The following SLC25A29 variants were observed in gnomAD, a reference collection of about 807,000 sequenced individuals.
The protein encoded by SLC25A29 is solute carrier family 25 member 29, also known as mitochondrial basic amino acids transporter.
Under a neutral mutation model 10.0 loss-of-function variants are expected in SLC25A29, and 13 were observed. The ratio of observed to expected loss-of-function variants is 1.30; its 90% confidence interval spans 0.85 to 2.07. The LOEUF (loss-of-function observed/expected upper bound fraction) is 2.07. Among genes scored for constraint, SLC25A29 ranks in the 30% most tolerant of loss-of-function variants. SLC25A29 has a pLI of 0.00. For synonymous variants in SLC25A29, 244 were observed against 221.1 expected (o/e 1.10, Z -0.92); for missense variants, 475 against 447.6 (o/e 1.06, Z -0.55).
chr14:100,288,894 T>G (rs1407427214), downstream of SLC25A29, among the ~76,000 whole-genome samples: 2 of 152,186 alleles, frequency 1.3e-5, no homozygotes, highest in African/African-American at 2.4e-5. Flanking sequence ...GCAACTGAAT[T>G]TGGCCTGATT....
At chr14:100,301,828 T>G (rs1250799415) in intron 1 of SLC25A29, among the ~76,000 whole-genome samples, 1 of 151,562 alleles carries the variant, frequency 6.6e-6, no homozygotes, top group Non-Finnish European at 1.5e-5. Context: ...TTCTAATACG[T>G]CTAATCATTA....
chr14:100,293,550 G>A, intron 2 of SLC25A29, 173 bp from the exon 3 acceptor site: 1 of 607,602 alleles, frequency 1.6e-6, no homozygotes, highest in Non-Finnish European at 2.9e-6. Flanking sequence ...GCCTTCTCAG[G>A]ATGGGGTGCC....
At chr14:100,281,465 T>C in the SLC25A29 span, 1 of 152,138 alleles carries the variant, frequency 6.6e-6, no homozygotes, top group East Asian at 1.9e-4. Flanking sequence ...GGGCCCTTTG[T>C]CCTGGATACA....
At chr14:100,298,428 C>T (rs1293315308) in intron 2 of SLC25A29, among the ~76,000 whole-genome samples, 1 of 152,192 alleles carries the variant, frequency 6.6e-6, no homozygotes, top group Non-Finnish European at 1.5e-5. Context: ...CGTGGGAAAC[C>T]ATCACTGGAT....
chr14:100,298,789 G>A, intron 2 of SLC25A29, 53 bp downstream of exon 2: 8 of 1,611,790 alleles, frequency 5.0e-6, no homozygotes, highest in South Asian at 2.2e-5. Flanking sequence ...CCAACCCTGT[G>A]AGCCTCTCTC....
At chr14:100,288,383 A>AAAC (rs1491543274), downstream of SLC25A29, among the ~76,000 whole-genome samples, 1 of 7,344 alleles carries the variant, frequency 1.4e-4, no homozygotes. Context: ...ACTCTATCTC[A>AAAC]AAAAAAAAAA....
chr14:100,281,688 G>A, the SLC25A29 span: 4 of 152,346 alleles, frequency 2.6e-5, no homozygotes, highest in African/African-American at 9.6e-5. Context: ...TTACCTGCAC[G>A]GCAGCATCTG....
intron 1 of SLC25A29, among the ~76,000 whole-genome samples, chr14:100,304,445 G>A (rs1429991310): frequency 2.0e-5 from 3 of 152,246 alleles, no homozygotes; most frequent in Admixed American, 6.5e-5. Flanking sequence ...TCTCCGATGA[G>A]ACCAGGAGTG....
chr14:100,305,934 C>A, intron 1 of SLC25A29: 1 of 377,142 alleles, frequency 2.7e-6, no homozygotes, highest in Non-Finnish European at 4.7e-6. Context: ...TCCTGGCCTC[C>A]GCTCAGCCAC....
chr14:100,295,762 C>T (rs1328434985), intron 2 of SLC25A29: 2 of 1,289,380 alleles, frequency 1.6e-6, no homozygotes, highest in South Asian at 2.5e-5. Context: ...AGGCGCGGAG[C>T]CCCCACAGCC....
downstream of SLC25A29, among the ~76,000 whole-genome samples, chr14:100,286,474 G>GA (rs1160938262): frequency 2.1e-5 from 3 of 142,152 alleles, no homozygotes; most frequent in Admixed American, 1.4e-4. Flanking sequence ...CATGGCTGGG[G>GA]GGGGGGGTGT....
Position 100,293,353 on chromosome 14 carries a change from C to G in SLC25A29, c.103G>C (p.Glu35Gln). 7.4e-6 allele frequency: 12 copies of G among 1,613,286 alleles called. No homozygotes were observed. Among genetic ancestry groups the G allele is most frequent in the Non-Finnish European group, 9.3e-6 (11 of 1,179,978 alleles). The change falls in exon 3 of 4, where the codon GAG (glutamate) becomes CAG (glutamine). Residue 35 changes from glutamate (E) to glutamine (Q), a missense_variant. Coordinates refer to ENST00000359232, the MANE Select transcript of SLC25A29 (RefSeq NM_001039355.3). The stretch of plus-strand genomic sequence containing the variant: ...AACGTCCCGCGGTACTGAGGCTTCT[C>G]CACGCTCTGGACCTGAAGCCGTACC... The part of the protein sequence containing the change: ...VKVRLQVQSV[E>Q]KPQYRGTLHC...
intron 1 of SLC25A29, among the ~76,000 whole-genome samples, chr14:100,301,206 TTTC>T (rs913314371): frequency 2.0e-5 from 3 of 150,338 alleles, no homozygotes; most frequent in African/African-American, 7.4e-5. Context: ...GCCTATTCCC[TTTC>T]TTTTTTTGAG....
At chr14:100,305,668 G>C in intron 1 of SLC25A29, 1 of 131,178 alleles carries the variant, frequency 7.6e-6, no homozygotes, top group Admixed American at 8.9e-5. Context: ...ACAAAACCGC[G>C]TAGGAAGGGG....
rs1269648510 is a variant in SLC25A29 at position 100,298,842 on chromosome 14, C to G, written c.78G>C (p.Lys26Asn). ...AAAAAAAAGCAGCGATGAGACTCAC[C>G]TTGACCGTGTCAAACGGGTGTCCCA... is the stretch of plus-strand genomic sequence containing the variant. ...VLVGHPFDTVKVRLQVQSVEK... is the reference protein window; with the variant it reads ...VLVGHPFDTVNVRLQVQSVEK... The change falls in exon 2 of 4, where the codon AAG becomes AAC. Residue 26 changes from lysine to asparagine, a missense_variant and splice_region_variant. Lys to Asn is a moderately conservative substitution (Grantham distance 94). Coordinates refer to ENST00000359232, the MANE Select transcript of SLC25A29 (RefSeq NM_001039355.3). 1 of 1,614,232 alleles carries G rather than the reference C, an allele frequency of 6.2e-7. No homozygotes were observed.
At chr14:100,298,435 G>A (rs1443470801) in intron 2 of SLC25A29, among the ~76,000 whole-genome samples, 2 of 152,302 alleles carry the variant, frequency 1.3e-5, no homozygotes, top group South Asian at 2.1e-4. Flanking sequence ...AACCATCACT[G>A]GATTCTCTGT....
the SLC25A29 span, among the ~76,000 whole-genome samples, chr14:100,285,133 T>C: frequency 6.6e-6 from 1 of 152,092 alleles, no homozygotes; most frequent in South Asian, 2.1e-4. Flanking sequence ...CATGGCTTCT[T>C]CTTGGCCTGC....
chr14:100,298,750 C>T (rs945525673), intron 2 of SLC25A29, 92 bp downstream of exon 2: 1 of 1,519,434 alleles, frequency 6.6e-7, no homozygotes, highest in Non-Finnish European at 9.1e-7. Context: ...CCACCTGGGG[C>T]TGTACACGGA....
chr14:100,294,511 A>G (rs1411492814), intron 2 of SLC25A29: 1 of 152,304 alleles, frequency 6.6e-6, no homozygotes, highest in Non-Finnish European at 1.5e-5. Context: ...GGTACTAGGC[A>G]GCATGGGACA....
Sources: allele counts gnomAD v4.1 joint callset (sites outside exome capture counted in the v4.1 genomes callset), GRCh38; gene constraint gnomAD v4.1.1; transcripts MANE v1.5; gene names NCBI Gene and HGNC (gene_info 2026-07-23, HGNC 2026-07-21).